RALGAPA2: variants seen among roughly 807,000 people sequenced by gnomAD.
The protein encoded by RALGAPA2 is Ral GTPase activating protein catalytic subunit alpha 2.
Under a neutral mutation model 230.4 loss-of-function variants are expected in RALGAPA2, and 139 were observed. That is an observed-to-expected ratio of 0.60 (90% CI 0.53 to 0.69). The LOEUF is 0.69. RALGAPA2 is among the 30% of genes least tolerant of loss of function. The probability of loss-of-function intolerance (pLI) is 0.00; values close to 1 mark genes in which losing one functional copy is unlikely to be tolerated. For missense variants in RALGAPA2, 2,163 were observed against 2,276.0 expected (o/e 0.95, Z 1.01); for synonymous variants, 847 against 837.8 (o/e 1.01, Z -0.19).
intron 10 of RALGAPA2, among the ~76,000 whole-genome samples, chr20:20,628,237 T>C (rs769060261): frequency 3.3e-5 from 5 of 152,160 alleles, no homozygotes; most frequent in Non-Finnish European, 7.4e-5. Flanking sequence ...GGCCAAACAT[T>C]CACTATCTCA....
chr20:20,643,489 C>T lies in RALGAPA2; in HGVS notation c.372+17G>A, dbSNP rs1603179316. On this transcript the variant is annotated intron_variant, in intron 5 of 39. Transcript: ENST00000202677. ...TTAAGAGTAATAAAAAATGTCATTACACAATAAAATAAATACCTTAATAGA... is the reference window on the plus strand; with the variant it reads ...TTAAGAGTAATAAAAAATGTCATTATACAATAAAATAAATACCTTAATAGA... 3 of 1,465,498 alleles carry T rather than the reference C, an allele frequency of 2.0e-6. No individual in the cohort carries two copies. The highest frequency in any genetic ancestry group is 2.4e-5 in the Admixed American group (1 of 42,306). 90.8% of individuals were successfully genotyped at this position (1,465,498 alleles called of 1,614,324 possible).
chr20:20,609,006 GT>G (rs947036540), intron 14 of RALGAPA2, among the ~76,000 whole-genome samples: 5 of 152,058 alleles, frequency 3.3e-5, no homozygotes, highest in African/African-American at 1.2e-4. Context: ...TTTTTTGTTT[GT>G]TTTTTGAGAC....
intron 23 of RALGAPA2, among the ~76,000 whole-genome samples, chr20:20,549,224 T>C (rs1477873233): frequency 3.3e-5 from 5 of 152,204 alleles, no homozygotes; most frequent in Admixed American, 2.6e-4. Flanking sequence ...CCATTTTGCA[T>C]TGTAAGATTT....
chr20:20,643,178 G>A (rs911409898), intron 5 of RALGAPA2, among the ~76,000 whole-genome samples: 2 of 152,140 alleles, frequency 1.3e-5, no homozygotes, highest in African/African-American at 2.4e-5. Flanking sequence ...CTTAGAGGGC[G>A]ACTGCACTTC....
Position 20,681,711 on chromosome 20 carries a change from C to T in RALGAPA2, c.107-910G>A, listed in dbSNP as rs6075694. On this transcript the variant is annotated intron_variant, in intron 1 of 39. Coordinates refer to ENST00000202677, the MANE Select transcript of RALGAPA2 (RefSeq NM_020343.4). ...GAAAAGTAAAAACAGCTTTCTGGAG[C>T]CAGGCATTGTAGCTCACACCTATAA... Among the ~76,000 whole-genome samples the T allele has an allele frequency of 9.8e-3, 1,486 of 152,224 alleles. 13 individuals are homozygous for T. The highest frequency in any genetic ancestry group is 0.014 in the Non-Finnish European group (929 of 68,016).
chr20:20,486,147 G>T (rs1417959034), intron 36 of RALGAPA2, among the ~76,000 whole-genome samples: 1 of 151,010 alleles, frequency 6.6e-6, no homozygotes, highest in Non-Finnish European at 1.5e-5. Context: ...TTCAAAAAAA[G>T]AATAAAAAAA....
intron 37 of RALGAPA2, among the ~76,000 whole-genome samples, chr20:20,424,433 G>A (rs1020131275): frequency 9.9e-5 from 15 of 152,144 alleles, no homozygotes; most frequent in Non-Finnish European, 1.5e-4. Context: ...AAAAAGTGAC[G>A]AATCAATATG....
At chr20:20,579,198 T>G (rs368352987) in intron 20 of RALGAPA2, among the ~76,000 whole-genome samples, 1 of 152,330 alleles carries the variant, frequency 6.6e-6, no homozygotes, top group South Asian at 2.1e-4. Flanking sequence ...AATTGTCTTA[T>G]GTATTATTTC....
chr20:20,551,398 T>A (rs2063920862), intron 23 of RALGAPA2, among the ~76,000 whole-genome samples: 1 of 152,216 alleles, frequency 6.6e-6, no homozygotes, highest in East Asian at 1.9e-4. Context: ...TGCAATATAG[T>A]GAACAGATCA....
chr20:20,584,978 C>T, intron 18 of RALGAPA2, 23 bp from the exon 19 acceptor site: 2 of 1,553,066 alleles, frequency 1.3e-6, no homozygotes, highest in Middle Eastern at 3.4e-4. Flanking sequence ...AGAAATATTG[C>T]ATTTACTACA....
chr20:20,446,149 T>C (rs1004226726), intron 37 of RALGAPA2, among the ~76,000 whole-genome samples: 48 of 152,160 alleles, frequency 3.2e-4, no homozygotes, highest in African/African-American at 1.1e-3. Context: ...TGTGACCTCT[T>C]TGGATTGCTG....
At chr20:20,552,683 T>C (rs930380708) in intron 23 of RALGAPA2, among the ~76,000 whole-genome samples, 3 of 152,182 alleles carry the variant, frequency 2.0e-5, no homozygotes, top group African/African-American at 7.2e-5. Flanking sequence ...ACAGCCACGA[T>C]CCTGCAGTAC....
intron 13 of RALGAPA2, 143 bp from the exon 14 acceptor site, chr20:20,611,569 A>G (rs572540749): frequency 1.1e-5 from 14 of 1,329,998 alleles, no homozygotes; most frequent in South Asian, 6.2e-5. Context: ...GATGCCAATT[A>G]CATAATGAAT....
intron 2 of RALGAPA2, among the ~76,000 whole-genome samples, chr20:20,678,751 T>C (rs2068422781): frequency 6.6e-6 from 1 of 152,190 alleles, no homozygotes. Flanking sequence ...TGAAAGGATA[T>C]TCTCATGGGT....
chr20:20,673,980 G>A (rs116806411), intron 3 of RALGAPA2, among the ~76,000 whole-genome samples: 9,386 of 152,002 alleles, frequency 0.062, 377 homozygotes, highest in East Asian at 0.16. Context: ...TTGAGCCCTG[G>A]AGTTTGAGAC....
At chr20:20,592,064 C>A (rs2065307723) in intron 16 of RALGAPA2, among the ~76,000 whole-genome samples, 1 of 152,168 alleles carries the variant, frequency 6.6e-6, no homozygotes, top group Admixed American at 6.5e-5. Flanking sequence ...TATCACCCCA[C>A]CCTCTCTTTC....
rs8114404 is a variant in RALGAPA2 at position 20,536,646 on chromosome 20, C to G, written c.3414+10G>C. ...ACTAAACTTGAGATACAGTCAAATGCGTTATGTACCTTGACATCTTCAGTT... is the reference window on the plus strand; with the variant it reads ...ACTAAACTTGAGATACAGTCAAATGGGTTATGTACCTTGACATCTTCAGTT... On this transcript the variant is annotated intron_variant, in intron 25 of 39. Transcript: ENST00000202677. 3,287 of 1,609,588 alleles carry G rather than the reference C, an allele frequency of 2.0e-3. 49 individuals are homozygous for G. In the African/African-American group the frequency reaches 0.038, roughly 19 times the overall value.
chr20:20,661,159 CTTTA>C (rs920691546), intron 3 of RALGAPA2, among the ~76,000 whole-genome samples: 23 of 152,050 alleles, frequency 1.5e-4, no homozygotes, highest in African/African-American at 5.5e-4. Context: ...TCGAATTTTG[CTTTA>C]TTTATTTTTT....
intron 36 of RALGAPA2, among the ~76,000 whole-genome samples, chr20:20,493,085 T>C (rs1256809434): frequency 6.6e-6 from 1 of 152,222 alleles, no homozygotes; most frequent in Non-Finnish European, 1.5e-5. Flanking sequence ...AATGTTGCCA[T>C]GGATTCTGTA....
Sources: gnomAD v4.1 joint callset for allele counts (sites outside exome capture counted in the v4.1 genomes callset) on GRCh38, gnomAD v4.1.1 for gene constraint, MANE v1.5 for transcripts, NCBI Gene and HGNC (gene_info 2026-07-23, HGNC 2026-07-21) for gene names.